Variants in EBF1 observed in about 807,000 individuals in gnomAD.
The protein encoded by EBF1 is EBF transcription factor 1.
Under a neutral mutation model 68.4 loss-of-function variants are expected in EBF1, and 10 were observed. The ratio of observed to expected loss-of-function variants is 0.15; its 90% CI spans 0.09 to 0.25. The LOEUF (loss-of-function observed/expected upper bound fraction) is 0.25. EBF1 is among the 10% of genes least tolerant of loss of function. EBF1 has a pLI of 1.00. For missense variants in EBF1, 509 were observed against 794.4 expected, an observed-to-expected ratio of 0.64 and a Z score of 4.32; for synonymous variants, 298 against 299.8, an observed-to-expected ratio of 0.99 and a Z score of 0.06.
intron 6 of EBF1, among the ~76,000 whole-genome samples, chr5:159,024,709 C>T (rs1170663008): frequency 1.3e-5 from 2 of 152,160 alleles, no homozygotes; most frequent in East Asian, 3.9e-4. Flanking sequence ...AGTGGGGTGT[C>T]CTTCTTTAAA....
intron 6 of EBF1, among the ~76,000 whole-genome samples, chr5:159,057,057 TTCC>T (rs905524201): frequency 6.6e-6 from 1 of 152,018 alleles, no homozygotes; most frequent in Non-Finnish European, 1.5e-5. Context: ...ATTCTGTAGC[TTCC>T]TCCTCCCTGT....
At chr5:158,893,291 T>G (rs1801545016) in intron 6 of EBF1, among the ~76,000 whole-genome samples, 1 of 152,250 alleles carries the variant, frequency 6.6e-6, no homozygotes, top group Non-Finnish European at 1.5e-5. Context: ...GACTCTGTAG[T>G]CTTGCATGGC....
chr5:158,955,248 G>T lies in EBF1; in HGVS notation c.555-115138C>A, dbSNP rs1369772280. ...TGAGGCAAGAGAATCGCTTGAATCC[G>T]GGAGGCAGGGGTTGTAGTGAGCCGA... On this transcript the variant is annotated intron_variant, in intron 6 of 15. Transcript: ENST00000313708. Among the ~76,000 whole-genome samples the T allele has an allele frequency of 2.6e-5, 4 of 152,056 alleles. No individual in the cohort carries two copies. The South Asian group carries it at 8.3e-4, about 32-fold the overall frequency.
chr5:158,757,243 TG>T (rs565785857), intron 10 of EBF1, among the ~76,000 whole-genome samples: 75 of 152,276 alleles, frequency 4.9e-4, no homozygotes, highest in Admixed American at 4.5e-3. Context: ...GGCTCTCTGC[TG>T]GGTAACCCAT....
At chr5:159,092,601 G>T (rs1299226480) in intron 4 of EBF1, among the ~76,000 whole-genome samples, 6 of 152,178 alleles carry the variant, frequency 3.9e-5, no homozygotes. Context: ...CCAAGATCAA[G>T]AACAGTTTAT....
chr5:159,063,062 G>A (rs1476576336), intron 6 of EBF1, among the ~76,000 whole-genome samples: 1 of 152,122 alleles, frequency 6.6e-6, no homozygotes, highest in East Asian at 1.9e-4. Flanking sequence ...AGAGAGATGA[G>A]ACCACCAGAT....
intron 6 of EBF1, among the ~76,000 whole-genome samples, chr5:158,844,653 T>C (rs1791068753): frequency 6.6e-6 from 1 of 152,232 alleles, no homozygotes; most frequent in Non-Finnish European, 1.5e-5. Flanking sequence ...TGTCTAGTTA[T>C]ATAATTTTCC....
rs766202151 is a variant in EBF1 at position 159,096,380 on chromosome 5, G to A, written c.318C>T (p.Asn106=). 32 of 1,613,708 alleles carry A rather than the reference G, an allele frequency of 2.0e-5. No homozygotes were observed. Among genetic ancestry groups the A allele is most frequent in the Admixed American group, 6.7e-5 (4 of 59,966 alleles). Residue 106 remains asparagine, a synonymous_variant, in exon 3 of 16, where the codon AAC becomes AAT. Coordinates refer to ENST00000313708, the MANE Select transcript of EBF1 (RefSeq NM_024007.5). Reference sequence around the variant, plus strand: ...GAAGCTGAAGCCGGTAGTGAATTCCGTTATTGGTCTTTTCGCTGTTGGCTT... The same window carrying A: ...GAAGCTGAAGCCGGTAGTGAATTCCATTATTGGTCTTTTCGCTGTTGGCTT... ...EKEANSEKTN[N]GIHYRLQLLY... is the part of the protein sequence containing the mutation.
chr5:158,984,768 C>CAT (rs1758681969), intron 6 of EBF1: 1 of 150,362 alleles, frequency 6.7e-6, no homozygotes, highest in Non-Finnish European at 1.5e-5. Context: ...CTCACTGCAG[C>CAT]CTCTGCCTCC....
chr5:158,885,062 C>T (rs1443993937), intron 6 of EBF1, among the ~76,000 whole-genome samples: 2 of 152,188 alleles, frequency 1.3e-5, no homozygotes, highest in Non-Finnish European at 2.9e-5. Flanking sequence ...GTTAAAGGCC[C>T]ACTCCTGCAA....
At chr5:159,051,906 TA>T (rs1369088346) in intron 6 of EBF1, among the ~76,000 whole-genome samples, 2 of 152,178 alleles carry the variant, frequency 1.3e-5, no homozygotes, top group Non-Finnish European at 2.9e-5. Flanking sequence ...CCAAGAGGCT[TA>T]AAATACGTTC....
intron 6 of EBF1, among the ~76,000 whole-genome samples, chr5:158,869,624 GTTGT>G (rs1194245899): frequency 6.9e-6 from 1 of 144,924 alleles, no homozygotes; most frequent in Non-Finnish European, 1.5e-5. Flanking sequence ...CACACGTTTT[GTTGT>G]TTGTTTTGTT....
intron 10 of EBF1, among the ~76,000 whole-genome samples, chr5:158,771,062 G>C (rs1019101417): frequency 6.6e-6 from 1 of 152,094 alleles, no homozygotes; most frequent in Non-Finnish European, 1.5e-5. Context: ...AAAGGAAGTG[G>C]TAAAATCAGA....
intron 6 of EBF1, among the ~76,000 whole-genome samples, chr5:158,898,169 A>C (rs1169015559): frequency 6.6e-6 from 1 of 152,240 alleles, no homozygotes; most frequent in African/African-American, 2.4e-5. Flanking sequence ...CTGTTATTAT[A>C]GTATATATAC....
intron 15 of EBF1, among the ~76,000 whole-genome samples, chr5:158,705,512 G>A (rs1419377258): frequency 6.6e-6 from 1 of 152,204 alleles, no homozygotes; most frequent in African/African-American, 2.4e-5. Flanking sequence ...TCAGAGAAAT[G>A]GGGACAGTCT....
chr5:158,948,420 T>C (rs1469917496), intron 6 of EBF1, among the ~76,000 whole-genome samples: 1 of 152,048 alleles, frequency 6.6e-6, no homozygotes, highest in Non-Finnish European at 1.5e-5. Context: ...TCAAGCATAC[T>C]GTATAAGGGC....
chr5:158,866,145 C>G (rs1795825973), intron 6 of EBF1, among the ~76,000 whole-genome samples: 6 of 152,342 alleles, frequency 3.9e-5, no homozygotes, highest in Admixed American at 2.6e-4. Context: ...AGCTGGGTCT[C>G]TTAATCTCTT....
At chr5:159,042,889 G>A (rs1480248566) in intron 6 of EBF1, among the ~76,000 whole-genome samples, 1 of 151,544 alleles carries the variant, frequency 6.6e-6, no homozygotes, top group African/African-American at 2.4e-5. Context: ...AAGTTAAATA[G>A]GATGTCATGA....
At chr5:159,023,235 T>C (rs1416950761) in intron 6 of EBF1, among the ~76,000 whole-genome samples, 1 of 150,002 alleles carries the variant, frequency 6.7e-6, no homozygotes, top group Non-Finnish European at 1.5e-5. Flanking sequence ...TTTATGCAAA[T>C]GGCTTCAGAA....
Sources: gnomAD v4.1 joint callset for allele counts (sites outside exome capture counted in the v4.1 genomes callset) on GRCh38, gnomAD v4.1.1 for gene constraint, MANE v1.5 for transcripts, NCBI Gene and HGNC (gene_info 2026-07-23, HGNC 2026-07-21) for gene names.